Variants in LRCH1 observed in about 807,000 individuals in gnomAD.
LRCH1 encodes the protein leucine rich repeats and calponin homology domain containing 1, also known as leucine-rich repeat and calponin homology domain-containing protein 1.
Under a neutral mutation model 94.9 loss-of-function variants are expected in LRCH1, and 23 were observed. The ratio of observed to expected loss-of-function variants is 0.24; its 90% CI spans 0.17 to 0.34. The LOEUF (loss-of-function observed/expected upper bound fraction) is 0.34. LRCH1 is among the 10% of genes least tolerant of loss of function. The probability of loss-of-function intolerance (pLI) is 1.00; values close to 1 mark genes in which losing one functional copy is unlikely to be tolerated. For missense variants in LRCH1, 790 were observed against 945.9 expected, an observed-to-expected ratio of 0.84 and a Z score of 2.16; for synonymous variants, 364 against 354.9, an observed-to-expected ratio of 1.03 and a Z score of -0.29.
At chr13:46,708,425 C>T (rs1871886346) in intron 13 of LRCH1, among the ~76,000 whole-genome samples, 2 of 152,024 alleles carry the variant, frequency 1.3e-5, no homozygotes, top group African/African-American at 4.8e-5. Context: ...GTGCCCGCTA[C>T]CATGCCTGGC....
intron 1 of LRCH1, among the ~76,000 whole-genome samples, chr13:46,588,726 G>T (rs756129666): frequency 7.1e-4 from 106 of 149,752 alleles, no homozygotes; most frequent in Non-Finnish European, 1.1e-3. Context: ...TTAGCCTCCC[G>T]AGTAGCTGGG....
Position 46,666,143 on chromosome 13 carries a change from G to C in LRCH1, c.453-2887G>C, listed in dbSNP as rs531369779. Among the ~76,000 whole-genome samples, 404 of 152,258 alleles carry C rather than the reference G, an allele frequency of 2.7e-3. 1 individual carries two copies. Among genetic ancestry groups the C allele is most frequent in the South Asian group, 0.019 (92 of 4,820 alleles). On this transcript the variant is annotated intron_variant, in intron 2 of 19. Coordinates refer to ENST00000389797, the MANE Select transcript of LRCH1 (RefSeq NM_001164211.2). Reference sequence around the variant, plus strand: ...ACTAAATTCTTAGCATGGTGAATTGGTAAGTCTACAGATGATTAACTACAG... The same window carrying C: ...ACTAAATTCTTAGCATGGTGAATTGCTAAGTCTACAGATGATTAACTACAG...
intron 1 of LRCH1, among the ~76,000 whole-genome samples, chr13:46,607,577 TCTTCTCCTTCTCCTTTTTCTC>T (rs2050701348): frequency 1.3e-5 from 2 of 152,096 alleles, no homozygotes; most frequent in Admixed American, 6.5e-5. Flanking sequence ...GATTCATTGT[TCTTCTCCTTCTCCTTTTTCTC>T]CTTCTCCTTC....
At chr13:46,597,819 A>G (rs544300178) in intron 1 of LRCH1, among the ~76,000 whole-genome samples, 31 of 152,154 alleles carry the variant, frequency 2.0e-4, no homozygotes, top group African/African-American at 6.7e-4. Context: ...TTTTTTTAAA[A>G]AACAGAAACA....
At chr13:46,578,206 G>A (rs115922553) in intron 1 of LRCH1, among the ~76,000 whole-genome samples, 3,106 of 152,262 alleles carry the variant, frequency 0.02, 117 homozygotes, top group African/African-American at 0.071. Flanking sequence ...AACTGTGGTC[G>A]TCTGTGTTTA....
In LRCH1 at chr13:46,711,776, T is replaced by C; in HGVS notation, c.1528-15T>C. On this transcript the variant is annotated splice_polypyrimidine_tract_variant and intron_variant, in intron 13 of 19. Transcript: ENST00000389797. ...GTCTAATGGAACATACCATGCTTTG[T>C]TCTTCTTTTTTAAGGTGCAAAGTGA... 3.7e-6 allele frequency: 6 copies of C among 1,608,692 alleles called. No individual in the cohort carries two copies. Among genetic ancestry groups the C allele is most frequent in the Non-Finnish European group, 5.1e-6 (6 of 1,176,318 alleles).
At chr13:46,593,237 A>G (rs1320542403) in intron 1 of LRCH1, among the ~76,000 whole-genome samples, 1 of 151,852 alleles carries the variant, frequency 6.6e-6, no homozygotes, top group Non-Finnish European at 1.5e-5. Context: ...AAGACTTGAA[A>G]TAAAAAAAAA....
Position 46,553,191 on chromosome 13 carries a change from A to C in LRCH1, c.-206A>C. On this transcript the variant is annotated 5_prime_UTR_variant, in exon 1 of 20. Transcript: ENST00000389797. ...CGCCGCAGTCCTTAGCTTCCCGGGG[A>C]CAGGAAACCTTCAAGACCGAGCTGC... is the stretch of plus-strand genomic sequence containing the variant. 1.8e-6 allele frequency: 1 copy of C among 565,598 alleles called. No individual in the cohort carries two copies. The allele number at this position is 565,598 out of a possible 1,614,324, so 35.0% of individuals were successfully genotyped here.
intron 3 of LRCH1, among the ~76,000 whole-genome samples, chr13:46,673,894 C>T (rs1002108356): frequency 4.6e-5 from 7 of 152,142 alleles, no homozygotes; most frequent in African/African-American, 1.7e-4. Context: ...AATTCTCCTG[C>T]CTCAGCCTCC....
intron 1 of LRCH1, among the ~76,000 whole-genome samples, chr13:46,571,526 G>A (rs1291149731): frequency 6.6e-6 from 1 of 152,150 alleles, no homozygotes; most frequent in Non-Finnish European, 1.5e-5. Context: ...CATTTCCAAG[G>A]GCTGTGGAGC....
chr13:46,716,214 A>G (rs1318136816), intron 16 of LRCH1, among the ~76,000 whole-genome samples: 1 of 152,046 alleles, frequency 6.6e-6, no homozygotes, highest in Non-Finnish European at 1.5e-5. Context: ...CTTCTTGAGT[A>G]TAGGTTCATC....
At chr13:46,639,718 G>A (rs1566193376) in intron 1 of LRCH1, among the ~76,000 whole-genome samples, 1 of 152,164 alleles carries the variant, frequency 6.6e-6, no homozygotes, top group Non-Finnish European at 1.5e-5. Context: ...TCACTGCCCA[G>A]GGTCTCAGGA....
chr13:46,630,938 T>C (rs1345083113), intron 1 of LRCH1, among the ~76,000 whole-genome samples: 1 of 152,222 alleles, frequency 6.6e-6, no homozygotes, highest in Non-Finnish European at 1.5e-5. Context: ...TTGCTTCTGG[T>C]TCTGCCTTCA....
intron 1 of LRCH1, among the ~76,000 whole-genome samples, chr13:46,620,986 T>G (rs1014514753): frequency 6.6e-6 from 1 of 152,248 alleles, no homozygotes; most frequent in Non-Finnish European, 1.5e-5. Context: ...GAACAGGGAC[T>G]GGGCCTTAGT....
intron 2 of LRCH1, among the ~76,000 whole-genome samples, chr13:46,662,704 A>AAT (rs758380849): frequency 2.7e-4 from 41 of 151,912 alleles, no homozygotes; most frequent in African/African-American, 3.9e-4. Context: ...CGTTGGGGGG[A>AAT]ATATATATAT....
At chr13:46,617,297 G>A (rs1454208272) in intron 1 of LRCH1, among the ~76,000 whole-genome samples, 1 of 152,192 alleles carries the variant, frequency 6.6e-6, no homozygotes, top group Admixed American at 6.5e-5. Context: ...TGGATCAGGG[G>A]CCAGGAAAAC....
At chr13:46,707,122 C>A (rs1021553681) in intron 13 of LRCH1, among the ~76,000 whole-genome samples, 1 of 152,098 alleles carries the variant, frequency 6.6e-6, no homozygotes, top group Non-Finnish European at 1.5e-5. Context: ...CATTTTTTTC[C>A]TTTCAGTGTA....
chr13:46,727,626 C>T (rs747691319), intron 17 of LRCH1, among the ~76,000 whole-genome samples: 8 of 152,216 alleles, frequency 5.3e-5, no homozygotes, highest in Non-Finnish European at 1.2e-4. Context: ...CCTCAGCCTC[C>T]TGAGTAGCTG....
rs139322080 is a variant in LRCH1, at chr13:46,666,976, G to A, written c.453-2054G>A. 6.0e-3 allele frequency among the ~76,000 whole-genome samples: 917 copies of A among 152,262 alleles called. 3 individuals are homozygous for A. Among genetic ancestry groups the A allele is most frequent in the Non-Finnish European group, 0.01 (705 of 68,020 alleles). ...AGAGACCAGGAGAGAGTGCCAGTGC[G>A]GGCCCATTGCCCTTATTCTCTTGGT... On this transcript the variant is annotated intron_variant, in intron 2 of 19. Transcript: ENST00000389797.
Sources: gnomAD v4.1 joint callset for allele counts (sites outside exome capture counted in the v4.1 genomes callset) on GRCh38, gnomAD v4.1.1 for gene constraint, MANE v1.5 for transcripts, NCBI Gene and HGNC (gene_info 2026-07-23, HGNC 2026-07-21) for gene names.